GTF2A1L: variants seen among roughly 807,000 people sequenced by gnomAD.
The protein encoded by GTF2A1L is TFIIA-alpha and beta-like factor.
In GTF2A1L, 48 loss-of-function variants were observed where a neutral mutation model predicts 49.7. That is an observed-to-expected ratio of 0.97 (90% CI 0.77 to 1.23). GTF2A1L has a LOEUF of 1.23. Ranked by LOEUF, GTF2A1L falls within the 50% of genes most tolerant of loss-of-function variation. The pLI is 0.00. For synonymous variants in GTF2A1L, 246 were observed against 193.5 expected, an observed-to-expected ratio of 1.27 and a Z score of -2.25; for missense variants, 736 against 564.8, an observed-to-expected ratio of 1.30 and a Z score of -3.07.
At chr2:48,652,643 A>G (rs932659025) in intron 6 of GTF2A1L, among the ~76,000 whole-genome samples, 2 of 151,518 alleles carry the variant, frequency 1.3e-5, no homozygotes, top group Non-Finnish European at 2.9e-5. Context: ...GCCAATTTCA[A>G]CATGTGGTTT....
At chr2:48,635,081 C>G (rs1055873734) in intron 3 of GTF2A1L, among the ~76,000 whole-genome samples, 2 of 152,178 alleles carry the variant, frequency 1.3e-5, no homozygotes, top group African/African-American at 2.4e-5. Flanking sequence ...GTGAGTGCTC[C>G]AGATATCTGG....
At chr2:48,638,926 A>G (rs1427759157) in intron 3 of GTF2A1L, among the ~76,000 whole-genome samples, 1 of 152,092 alleles carries the variant, frequency 6.6e-6, no homozygotes, top group Non-Finnish European at 1.5e-5. Context: ...CTATACACCA[A>G]CAATAGCCAA....
At chr2:48,621,438 C>A (rs1572691131) in intron 3 of GTF2A1L, 148 bp downstream of exon 3, 4 of 1,031,672 alleles carry the variant, frequency 3.9e-6, no homozygotes, top group East Asian at 2.9e-5. Flanking sequence ...CAGTATAAAT[C>A]ATTGCCCCAT....
In GTF2A1L at chr2:48,629,905, T is replaced by A. The variant is rs1676483182; in HGVS notation, c.247+8615T>A. On this transcript the variant is annotated intron_variant, in intron 3 of 8. Coordinates refer to ENST00000403751, the MANE Select transcript of GTF2A1L (RefSeq NM_006872.5). ...TCCCCGTTGCTTATTTTTGTCGACT[T>A]TGTCAAAGATCAGATGGCTGTAGGT... 1.4e-5 allele frequency among the ~76,000 whole-genome samples: 2 copies of A among 144,136 alleles called. 1 individual carries two copies. Among genetic ancestry groups the A allele is most frequent in the Non-Finnish European group, 3.1e-5 (2 of 63,968 alleles). 94.6% of individuals were successfully genotyped at this position (144,136 alleles called of 152,430 possible). A position where few individuals can be genotyped will look rare whatever the true frequency, so the allele number is the denominator to read the frequency against.
intron 1 of GTF2A1L, among the ~76,000 whole-genome samples, chr2:48,620,309 A>C (rs1467637560): frequency 6.6e-6 from 1 of 152,214 alleles, no homozygotes; most frequent in Admixed American, 6.5e-5. Context: ...TAGTTCTGTA[A>C]TTCAGTCTTG....
chr2:48,646,928 C>T lies in GTF2A1L; in HGVS notation c.864C>T (p.His288=). The change falls in exon 6 of 9, where the codon CAC becomes CAT. Residue 288 remains histidine, a synonymous_variant. Coordinates refer to ENST00000403751, the MANE Select transcript of GTF2A1L (RefSeq NM_006872.5). The part of the protein sequence containing the change: ...SLSTSPHGAL[H]QHVTDIQLHI... The stretch of plus-strand genomic sequence containing the variant: ...CCACAAGCCCTCATGGGGCTCTCCA[C>T]CAGCACGTGACTGATATTCAGCTTC... 1 of 1,614,140 alleles carries T rather than the reference C, an allele frequency of 6.2e-7. No homozygotes were observed.
chr2:48,677,905 TC>T lies in GTF2A1L; in HGVS notation c.1330-1427del, dbSNP rs541551098. ...GCTCTTAGAAGAATAAGTGGTCATT[TC>T]CCAGTGAGATGGGGAAGATTGTGAG... On this transcript the variant is annotated intron_variant, in intron 8 of 8. Coordinates refer to ENST00000403751, the MANE Select transcript of GTF2A1L (RefSeq NM_006872.5). 1.8e-4 allele frequency among the ~76,000 whole-genome samples: 28 copies of T among 151,992 alleles called. 1 individual carries two copies. In the South Asian group the frequency reaches 5.8e-3, roughly 32 times the overall value.
intron 5 of GTF2A1L, 80 bp from the exon 6 acceptor site, chr2:48,646,373 A>AT (rs370649699): frequency 0.12 from 123,485 of 995,680 alleles, 9 homozygotes; most frequent in Non-Finnish European, 0.14. Context: ...TGTGGATGAG[A>AT]TTTTTTTTTT....
chr2:48,645,815 AT>A (rs901118667), intron 5 of GTF2A1L, among the ~76,000 whole-genome samples: 2 of 151,966 alleles, frequency 1.3e-5, no homozygotes, highest in African/African-American at 2.4e-5. Flanking sequence ...CGCCCGGCTA[AT>A]TTTTTGTATT....
intron 3 of GTF2A1L, 104 bp downstream of exon 3, chr2:48,621,394 C>T (rs570285050): frequency 2.0e-6 from 3 of 1,467,510 alleles, no homozygotes; most frequent in Non-Finnish European, 2.8e-6. Context: ...GGTGAGAAGG[C>T]TTGGACACCT....
At chr2:48,626,650 G>C (rs1676308079) in intron 3 of GTF2A1L, among the ~76,000 whole-genome samples, 1 of 143,460 alleles carries the variant, frequency 7.0e-6, no homozygotes, top group South Asian at 2.4e-4. Context: ...TTGGCTCACT[G>C]CAGCCTCCAC....
intron 3 of GTF2A1L, among the ~76,000 whole-genome samples, chr2:48,632,107 T>A (rs1478682425): frequency 6.6e-6 from 1 of 152,232 alleles, no homozygotes; most frequent in Non-Finnish European, 1.5e-5. Flanking sequence ...TGTATAAGGC[T>A]CTACTTCAGA....
intron 3 of GTF2A1L, among the ~76,000 whole-genome samples, chr2:48,635,122 C>G (rs902726248): frequency 6.6e-6 from 1 of 152,082 alleles, no homozygotes; most frequent in Non-Finnish European, 1.5e-5. Flanking sequence ...TGGAGAGGGC[C>G]TTCCTGCATC....
At position 48,620,851 on chromosome 2, in the gene GTF2A1L, C is replaced by T. The variant is rs897214616; in HGVS notation, c.22C>T (p.Pro8Ser). The change falls in exon 2 of 9, where the codon CCT becomes TCT. Residue 8 changes from proline to serine, a missense_variant and splice_region_variant. Pro to Ser is a moderately conservative substitution (Grantham distance 74). Transcript: ENST00000403751. ...AACTTTAACAATTGCTTTTATGTAG[C>T]CTAAACTCTACAGATCTGTAATTGA... MACLNPV[P>S]KLYRSVIEDV... is the part of the protein sequence containing the mutation. The T allele has an allele frequency of 1.4e-6, 2 of 1,472,992 alleles. No individual in the cohort carries two copies. Among genetic ancestry groups the T allele is most frequent in the Non-Finnish European group, 1.8e-6 (2 of 1,111,056 alleles). The allele number at this position is 1,472,992 out of a possible 1,614,324, so 91.2% of individuals were successfully genotyped here.
chr2:48,674,491 C>G (rs1679356678), intron 8 of GTF2A1L, among the ~76,000 whole-genome samples: 1 of 151,930 alleles, frequency 6.6e-6, no homozygotes, highest in South Asian at 2.1e-4. Flanking sequence ...TCCACTATAA[C>G]ATTTTATACA....
Position 48,646,669 on chromosome 2 carries a change from C to T in GTF2A1L, c.605C>T (p.Ser202Phe), listed in dbSNP as rs757683766. 6.2e-7 allele frequency: 1 copy of T among 1,614,118 alleles called. No homozygotes were observed. Among genetic ancestry groups the T allele is most frequent in the South Asian group, 1.1e-5 (1 of 91,074 alleles). ...CTACAGCAACCCGCAATTCTACCTTCTGGGCCAGTAGATAGGAAACACTTA... is the reference window on the plus strand; with the variant it reads ...CTACAGCAACCCGCAATTCTACCTTTTGGGCCAGTAGATAGGAAACACTTA... ...TVLQQPAILP[S>F]GPVDRKHLEN... The change falls in exon 6 of 9, where the codon TCT becomes TTT. Residue 202 changes from serine (S) to phenylalanine (F), a missense_variant. Transcript: ENST00000403751.
At position 48,669,322 on chromosome 2, in the gene GTF2A1L, T is replaced by A. The variant is rs559413109; in HGVS notation, c.979-400T>A. On this transcript the variant is annotated intron_variant, in intron 6 of 8. Coordinates refer to ENST00000403751, the MANE Select transcript of GTF2A1L (RefSeq NM_006872.5). ...TGGCTTATTTCACTTAGTGTAATCC[T>A]TTACATTTTTATTTATCCATTAAGC... 7.2e-5 allele frequency among the ~76,000 whole-genome samples: 11 copies of A among 152,334 alleles called. No homozygotes were observed. In the South Asian group the frequency reaches 2.3e-3, roughly 32 times the overall value.
chr2:48,644,970 A>G, intron 4 of GTF2A1L, 63 bp from the exon 5 acceptor site: 4 of 1,479,586 alleles, frequency 2.7e-6, no homozygotes, highest in South Asian at 1.3e-5. Context: ...CTGTGAGATC[A>G]GGGAAAAAAA....
At chr2:48,660,269 G>A (rs1572756530) in intron 6 of GTF2A1L, among the ~76,000 whole-genome samples, 1 of 152,074 alleles carries the variant, frequency 6.6e-6, no homozygotes, top group East Asian at 1.9e-4. Context: ...TTTGTCTTTG[G>A]TATCAGGGTA....
Sources: gnomAD v4.1 joint callset for allele counts (sites outside exome capture counted in the v4.1 genomes callset) on GRCh38, gnomAD v4.1.1 for gene constraint, MANE v1.5 for transcripts, NCBI Gene and HGNC (gene_info 2026-07-23, HGNC 2026-07-21) for gene names.